PHGDH: variants seen among roughly 807,000 people sequenced by gnomAD.
PHGDH encodes phosphoglycerate dehydrogenase, also known as D-3-phosphoglycerate dehydrogenase.
A neutral mutation model predicts 52.6 loss-of-function variants in PHGDH; 50 were observed. That is an observed-to-expected ratio of 0.95 (90% CI 0.76 to 1.20). The LOEUF is 1.20. Among genes scored for constraint, PHGDH ranks in the 50% most tolerant of loss-of-function variants. The probability of loss-of-function intolerance (pLI) is 0.00; values close to 1 mark genes in which losing one functional copy is unlikely to be tolerated. For missense variants in PHGDH, 630 were observed against 684.6 expected (o/e 0.92, Z 0.89); for synonymous variants, 271 against 280.5 (o/e 0.97, Z 0.34).
chr1:119,742,184 G>A lies in PHGDH; in HGVS notation c.1209+287G>A, dbSNP rs148912142. The A allele has an allele frequency of 2.4e-3, 1,102 of 463,490 alleles. 11 individuals carry two copies. Among genetic ancestry groups the A allele is most frequent in the African/African-American group, 0.02 (989 of 50,596 alleles). The allele number at this position is 463,490 out of a possible 1,614,324, so 28.7% of individuals were successfully genotyped here. A position where few individuals can be genotyped will look rare whatever the true frequency, so the allele number is the denominator to read the frequency against. On this transcript the variant is annotated intron_variant, in intron 10 of 11. Coordinates refer to ENST00000641023, the MANE Select transcript of PHGDH (RefSeq NM_006623.4). ...ATGACGAGCTAGTGTGTTTGACTCT[G>A]CCCGACATGGCTGCCAGGCCATGTT...
At chr1:119,735,929 C>T (rs1571011432) in intron 7 of PHGDH, among the ~76,000 whole-genome samples, 1 of 152,296 alleles carries the variant, frequency 6.6e-6, no homozygotes, top group South Asian at 2.1e-4. Flanking sequence ...CCCTCAGGGT[C>T]CTCGGGGTGG....
chr1:119,734,571 TTAA>T (rs59445927), intron 5 of PHGDH, 60 bp from the exon 6 acceptor site: 162,833 of 1,535,484 alleles, frequency 0.11, 9,363 homozygotes, highest in African/African-American at 0.16. Flanking sequence ...TTTGCCATTC[TTAA>T]TAATAACAAT....
At chr1:119,722,826 G>T (rs1651233594) in intron 2 of PHGDH, among the ~76,000 whole-genome samples, 1 of 151,522 alleles carries the variant, frequency 6.6e-6, no homozygotes, top group Non-Finnish European at 1.5e-5. Flanking sequence ...CTTGAACCCT[G>T]GGAAGTCAAG....
intron 2 of PHGDH, among the ~76,000 whole-genome samples, chr1:119,722,948 G>T (rs1651239834): frequency 6.6e-6 from 1 of 151,366 alleles, no homozygotes; most frequent in Non-Finnish European, 1.5e-5. Flanking sequence ...AGATATGTAG[G>T]CATTGGACTG....
At chr1:119,724,888 T>G (rs1010533031) in intron 3 of PHGDH, 1 of 456,474 alleles carries the variant, frequency 2.2e-6, no homozygotes, top group African/African-American at 2.0e-5. Flanking sequence ...GCATCAAAAC[T>G]AGGAAACACG....
intron 6 of PHGDH, 171 bp downstream of exon 6, chr1:119,734,937 G>T (rs750698346): frequency 1.6e-5 from 12 of 746,504 alleles, no homozygotes; most frequent in African/African-American, 3.4e-5. Context: ...GATAGGGGAG[G>T]GTGAGCCAGC....
chr1:119,721,581 A>C, intron 2 of PHGDH: 1 of 449,568 alleles, frequency 2.2e-6, no homozygotes, highest in Non-Finnish European at 4.0e-6. Flanking sequence ...TCCCTGCATA[A>C]TCTCAAAATG....
chr1:119,719,091 C>T (rs1651043154), intron 1 of PHGDH, among the ~76,000 whole-genome samples: 2 of 152,176 alleles, frequency 1.3e-5, no homozygotes, highest in South Asian at 4.1e-4. Context: ...CTGTTTCTGC[C>T]TGGCTTGGCT....
chr1:119,720,331 A>G (rs1416023238), intron 1 of PHGDH: 3 of 152,086 alleles, frequency 2.0e-5, no homozygotes, highest in African/African-American at 7.2e-5. Flanking sequence ...AATTGCTCTC[A>G]TTTTTCCCCT....
intron 3 of PHGDH, chr1:119,724,680 TA>T: frequency 2.7e-6 from 1 of 374,922 alleles, no homozygotes; most frequent in Non-Finnish European, 5.2e-6. Flanking sequence ...TTTTTTTGAG[TA>T]AGGGAAAAGA....
chr1:119,744,038 T>C lies in PHGDH; in HGVS notation c.1600T>C (p.Ter534GlnextTer22). Residue 534 changes from the stop codon to glutamine (Q), a stop_lost, in exon 12 of 12, where the codon TAA becomes CAA. Coordinates refer to ENST00000641023, the MANE Select transcript of PHGDH (RefSeq NM_006623.4). ...HVTEAFQFHF* is the reference protein window; with the variant it reads ...HVTEAFQFHFQ Reference sequence around the variant, plus strand: ...GACTGAAGCCTTCCAGTTCCACTTCTAACCTTGGAGCTCACTGGTCCCTGC... The same window carrying C: ...GACTGAAGCCTTCCAGTTCCACTTCCAACCTTGGAGCTCACTGGTCCCTGC... 6.2e-7 allele frequency: 1 copy of C among 1,614,144 alleles called. No homozygotes were observed. Among genetic ancestry groups the C allele is most frequent in the Non-Finnish European group, 8.5e-7 (1 of 1,179,984 alleles).
intron 2 of PHGDH, 136 bp downstream of exon 2, chr1:119,721,457 G>A: frequency 2.5e-6 from 2 of 812,244 alleles, no homozygotes; most frequent in Non-Finnish European, 3.9e-6. Flanking sequence ...CTGGTCTAGG[G>A]CCTGCATGGT....
At chr1:119,734,921 A>G (rs1651865108) in intron 6 of PHGDH, 155 bp downstream of exon 6, 1 of 836,776 alleles carries the variant, frequency 1.2e-6, no homozygotes, top group South Asian at 1.4e-5. Flanking sequence ...AGACACCCCT[A>G]CGTTGGATAG....
At position 119,721,244 on chromosome 1, in the gene PHGDH, G is replaced by C. The variant is rs1163688114; in HGVS notation, c.213G>C (p.Gln71His). 1.9e-6 allele frequency: 3 copies of C among 1,614,202 alleles called. 1 individual carries two copies. The South Asian group carries it at 3.3e-5, about 18-fold the overall frequency. Residue 71 changes from glutamine to histidine, a missense_variant, in exon 2 of 12, where the codon CAG (glutamine) becomes CAC (histidine). Transcript: ENST00000641023. Reference sequence around the variant, plus strand: ...TCATCAACGCAGCTGAGAAACTCCAGGTGGTGGGCAGGGCTGGCACAGGTG... The same window carrying C: ...TCATCAACGCAGCTGAGAAACTCCACGTGGTGGGCAGGGCTGGCACAGGTG... ...ADVINAAEKL[Q>H]VVGRAGTGVD...
Position 119,724,587 on chromosome 1 carries a change from C to T in PHGDH, c.356+1146C>T, listed in dbSNP as rs959509633. 68 of 367,908 alleles carry T rather than the reference C, an allele frequency of 1.8e-4. No homozygotes were observed. In the East Asian group the frequency reaches 3.4e-3, roughly 19 times the overall value. 22.8% of individuals were successfully genotyped at this position (367,908 alleles called of 1,614,324 possible). On this transcript the variant is annotated intron_variant, in intron 3 of 11. Transcript: ENST00000641023. ...GCCGGGTTCTCCCAGAACATCTAGG[C>T]TGAGTGTCTCTCCCCCTGGAGAAGT... is the stretch of plus-strand genomic sequence containing the variant.
At position 119,735,444 on chromosome 1, in the gene PHGDH, G is replaced by A; in HGVS notation, c.792+1G>A. The stretch of plus-strand genomic sequence containing the variant: ...GGCTGCACTGGACGTGTTTACGGAA[G>A]TAAGTGCCTGGCAGCCTCAGCGTCA... On this transcript the variant is annotated splice_donor_variant, in intron 7 of 11. Transcript: ENST00000641023. LOFTEE classifies it high-confidence loss of function. The A allele has an allele frequency of 1.2e-6, 2 of 1,612,048 alleles. No individual in the cohort carries two copies. Among genetic ancestry groups the A allele is most frequent in the Non-Finnish European group, 1.7e-6 (2 of 1,179,950 alleles).
chr1:119,740,620 G>A (rs1652155620), intron 9 of PHGDH, 102 bp downstream of exon 9: 1 of 1,042,970 alleles, frequency 9.6e-7, no homozygotes. Flanking sequence ...TTAGTGAGAG[G>A]CAGTGAGGGT....
At chr1:119,715,585 C>T (rs587664756) in intron 1 of PHGDH, among the ~76,000 whole-genome samples, 92 of 152,268 alleles carry the variant, frequency 6.0e-4, no homozygotes, top group African/African-American at 2.1e-3. Context: ...CCTCCTAGGC[C>T]AAGCTTGTCC....
rs1651151523 is a variant in PHGDH, at chr1:119,721,312, T to C, written c.281T>C (p.Leu94Ser). 1 of 1,613,862 alleles carries C rather than the reference T, an allele frequency of 6.2e-7. No homozygotes were observed. Among genetic ancestry groups the C allele is most frequent in the African/African-American group, 1.3e-5 (1 of 74,978 alleles). Residue 94 changes from leucine to serine, a missense_variant, in exon 2 of 12, where the codon TTG becomes TCG. Coordinates refer to ENST00000641023, the MANE Select transcript of PHGDH (RefSeq NM_006623.4). ...DLEAATRKGI[L>S]VMNTPNGNSL... ...GAGGCCGCAACAAGGAAGGGCATCT[T>C]GGTTATGAAGTAAGTCATGGAGGCT...
Sources: gnomAD v4.1 joint callset for allele counts (sites outside exome capture counted in the v4.1 genomes callset) on GRCh38, gnomAD v4.1.1 for gene constraint, MANE v1.5 for transcripts, NCBI Gene and HGNC (gene_info 2026-07-23, HGNC 2026-07-21) for gene names.